The following PARG variants were observed in gnomAD, a reference collection of about 807,000 sequenced individuals.
The protein encoded by PARG is mitochondrial poly(ADP-ribose) glycohydrolase.
A neutral mutation model predicts 113.0 loss-of-function variants in PARG; 35 were observed. The ratio of observed to expected loss-of-function variants is 0.31; its 90% CI spans 0.24 to 0.41. The LOEUF is 0.41. Ranked by LOEUF, PARG falls within the 10% of genes least tolerant of loss-of-function variation. PARG has a pLI of 1.00. For synonymous variants in PARG, 330 were observed against 409.9 expected (o/e 0.81, Z 2.36); for missense variants, 797 against 1,169.4 (o/e 0.68, Z 4.64).
intron 14 of PARG, among the ~76,000 whole-genome samples, chr10:49,842,727 T>C (rs1845305234): frequency 6.6e-6 from 1 of 152,234 alleles, no homozygotes; most frequent in South Asian, 2.1e-4. Flanking sequence ...TATATTGCTG[T>C]GCCAAGCAAC....
intron 15 of PARG, among the ~76,000 whole-genome samples, chr10:49,840,594 A>G (rs551627892): frequency 1.3e-5 from 2 of 152,298 alleles, no homozygotes; most frequent in Admixed American, 6.5e-5. Context: ...TTTAAAAAAT[A>G]GTGCATTATT....
chr10:49,933,178 T>G lies in PARG; in HGVS notation c.1270A>C (p.Arg424=). The G allele has an allele frequency of 6.4e-7, 1 of 1,567,868 alleles. No homozygotes were observed. The highest frequency in any genetic ancestry group is 8.7e-7 in the Non-Finnish European group (1 of 1,150,026). The part of the protein sequence containing the change: ...FMRLPKAEDR[R]KEQWETKHQR... ...GAGATACTGCTGAGAGAAAATTACC[T>G]TCTGTCCTCTGCTTTGGGCAGTCTC... Residue 424 remains arginine (R), a splice_region_variant and synonymous_variant, in exon 3 of 18, where the codon AGA becomes CGA. Coordinates refer to ENST00000616448, the MANE Select transcript of PARG (RefSeq NM_003631.5).
At chr10:49,902,029 G>A (rs533502009) in intron 7 of PARG, among the ~76,000 whole-genome samples, 1 of 152,310 alleles carries the variant, frequency 6.6e-6, no homozygotes, top group Admixed American at 6.5e-5. Context: ...TTATTTCATT[G>A]TAATTAATTT....
At chr10:49,843,062 A>G (rs782073268) in intron 14 of PARG, among the ~76,000 whole-genome samples, 4 of 152,246 alleles carry the variant, frequency 2.6e-5, no homozygotes, top group Non-Finnish European at 5.9e-5. Context: ...GTAGAAGACT[A>G]TATTTCAAGA....
At chr10:49,874,578 G>T (rs1226573014) in intron 9 of PARG, among the ~76,000 whole-genome samples, 1 of 151,562 alleles carries the variant, frequency 6.6e-6, no homozygotes, top group Non-Finnish European at 1.5e-5. Flanking sequence ...AAATTGGCCG[G>T]GTGCGGTGGC....
intron 7 of PARG, among the ~76,000 whole-genome samples, chr10:49,914,916 A>G (rs1429736926): frequency 1.3e-5 from 2 of 152,224 alleles, no homozygotes; most frequent in African/African-American, 4.8e-5. Flanking sequence ...CCTACCTTAC[A>G]CCACATATGA....
At chr10:49,902,244 T>G (rs1848377973) in intron 7 of PARG, among the ~76,000 whole-genome samples, 1 of 152,248 alleles carries the variant, frequency 6.6e-6, no homozygotes, top group East Asian at 1.9e-4. Context: ...TTTATTCAAC[T>G]GCATCAGGCT....
At chr10:49,927,353 A>AGAAG (rs1554850863) in intron 4 of PARG, among the ~76,000 whole-genome samples, 9 of 127,236 alleles carry the variant, frequency 7.1e-5, no homozygotes, top group South Asian at 2.6e-4. Context: ...AAGGAAGGAA[A>AGAAG]GAAAGAAGGA....
At chr10:49,868,627 G>A (rs1402892426) in intron 10 of PARG, among the ~76,000 whole-genome samples, 1 of 151,982 alleles carries the variant, frequency 6.6e-6, no homozygotes, top group Non-Finnish European at 1.5e-5. Context: ...CTATGACCCA[G>A]AACTGAAAAA....
chr10:49,905,607 C>A (rs1328220272), intron 7 of PARG, among the ~76,000 whole-genome samples: 1 of 152,190 alleles, frequency 6.6e-6, no homozygotes, highest in Non-Finnish European at 1.5e-5. Flanking sequence ...TGTAAGACTC[C>A]TCAGAGCTAT....
intron 4 of PARG, among the ~76,000 whole-genome samples, chr10:49,926,412 C>T (rs1554850593): frequency 6.6e-6 from 1 of 152,034 alleles, no homozygotes; most frequent in Non-Finnish European, 1.5e-5. Context: ...TCATGGAAGT[C>T]AGAGCCACAA....
chr10:49,889,556 G>A (rs1203164621), intron 7 of PARG, among the ~76,000 whole-genome samples: 1 of 152,170 alleles, frequency 6.6e-6, no homozygotes, highest in Non-Finnish European at 1.5e-5. Context: ...CTGCTGGTCA[G>A]TGGTCTTCTA....
chr10:49,929,199 GGA>G (rs1221285490), intron 4 of PARG, among the ~76,000 whole-genome samples: 1 of 150,136 alleles, frequency 6.7e-6, no homozygotes, highest in Non-Finnish European at 1.5e-5. Context: ...TGGGAGGGTG[GGA>G]GAGAGGAGGA....
chr10:49,928,945 CA>C (rs1838352935), intron 4 of PARG, among the ~76,000 whole-genome samples: 1 of 152,188 alleles, frequency 6.6e-6, no homozygotes, highest in Non-Finnish European at 1.5e-5. Context: ...GAAAATACAA[CA>C]AACTGTTAAA....
intron 6 of PARG, among the ~76,000 whole-genome samples, chr10:49,921,799 A>C (rs1837887904): frequency 6.6e-6 from 1 of 152,030 alleles, no homozygotes; most frequent in Non-Finnish European, 1.5e-5. Context: ...TTAGAAAAAC[A>C]ATCTACTAGT....
At chr10:49,823,189 G>A (rs1844191253) in intron 16 of PARG, among the ~76,000 whole-genome samples, 1 of 152,024 alleles carries the variant, frequency 6.6e-6, no homozygotes, top group African/African-American at 2.4e-5. Context: ...GTATATGTAA[G>A]TTAAGCTCAA....
chr10:49,853,167 G>A, intron 13 of PARG, among the ~76,000 whole-genome samples: 1 of 151,024 alleles, frequency 6.6e-6, no homozygotes, highest in Non-Finnish European at 1.5e-5. Flanking sequence ...CCAAGTAGCT[G>A]GGACTACAGG....
chr10:49,891,239 G>A (rs1416309278), intron 7 of PARG, among the ~76,000 whole-genome samples: 4 of 152,146 alleles, frequency 2.6e-5, no homozygotes, highest in Non-Finnish European at 5.9e-5. Context: ...GCCTGAACCC[G>A]GGAGGCAGAG....
chr10:49,831,695 G>A (rs1554830286), intron 16 of PARG, among the ~76,000 whole-genome samples: 1 of 152,170 alleles, frequency 6.6e-6, no homozygotes, highest in African/African-American at 2.4e-5. Context: ...AGAGTGGGGT[G>A]CCCTGACACT....
Sources: gnomAD v4.1 joint callset for allele counts (sites outside exome capture counted in the v4.1 genomes callset) on GRCh38, gnomAD v4.1.1 for gene constraint, MANE v1.5 for transcripts, NCBI Gene and HGNC (gene_info 2026-07-23, HGNC 2026-07-21) for gene names.